ENTPD5: variants seen among roughly 807,000 people sequenced by gnomAD.
ENTPD5 encodes the protein ectonucleoside triphosphate diphosphohydrolase 5 (inactive).
A neutral mutation model predicts 60.2 loss-of-function variants in ENTPD5; 49 were observed. The ratio of observed to expected loss-of-function variants is 0.81; its 90% CI spans 0.65 to 1.03. The LOEUF (loss-of-function observed/expected upper bound fraction) is 1.03, where lower values mean the gene tolerates loss of function less well. Ranked by LOEUF, ENTPD5 falls within the 50% of genes least tolerant of loss-of-function variation. The pLI is 0.00. For synonymous variants in ENTPD5, 187 were observed against 185.4 expected, an observed-to-expected ratio of 1.01 and a Z score of -0.07; for missense variants, 480 against 507.6, an observed-to-expected ratio of 0.95 and a Z score of 0.52.
chr14:73,983,623 C>CA (rs368194848), intron 5 of ENTPD5, among the ~76,000 whole-genome samples: 40,278 of 103,868 alleles, frequency 0.39, 7,625 homozygotes, highest in East Asian at 0.69. Flanking sequence ...CACTCCATCT[C>CA]AAAAAAAAAA....
At chr14:73,999,371 C>T (rs886358513) in intron 3 of ENTPD5, among the ~76,000 whole-genome samples, 1 of 151,928 alleles carries the variant, frequency 6.6e-6, no homozygotes, top group African/African-American at 2.4e-5. Context: ...GCCTGTAATC[C>T]CAACTACTCA....
chr14:74,001,951 G>T (rs1421328838), intron 3 of ENTPD5, among the ~76,000 whole-genome samples: 1 of 151,942 alleles, frequency 6.6e-6, no homozygotes, highest in Non-Finnish European at 1.5e-5. Flanking sequence ...AGAAGAAGAG[G>T]GTTAGCATTT....
At position 73,976,387 on chromosome 14, in the gene ENTPD5, C is replaced by G; in HGVS notation, c.579G>C (p.Glu193Asp). The change falls in exon 9 of 16, where the codon GAG becomes GAC. Residue 193 changes from glutamate to aspartate, a missense_variant. Glu to Asp is a conservative substitution (Grantham distance 45). Coordinates refer to ENST00000334696, the MANE Select transcript of ENTPD5 (RefSeq NM_001249.5). ...LTGQLHGHRQ[E>D]TVGTLDLGGA... is the part of the protein sequence containing the mutation. Reference sequence around the variant, plus strand: ...CCCCTAGGTCCAAGGTCCCCACAGTCTCCTGTCTGTGGCCATGCAGCTGAC... The same window carrying G: ...CCCCTAGGTCCAAGGTCCCCACAGTGTCCTGTCTGTGGCCATGCAGCTGAC... 1 of 1,614,196 alleles carries G rather than the reference C, an allele frequency of 6.2e-7. No homozygotes were observed. Among genetic ancestry groups the G allele is most frequent in the Non-Finnish European group, 8.5e-7 (1 of 1,180,016 alleles).
intron 15 of ENTPD5, among the ~76,000 whole-genome samples, chr14:73,969,493 G>A (rs2057126212): frequency 6.6e-6 from 1 of 152,078 alleles, no homozygotes; most frequent in South Asian, 2.1e-4. Flanking sequence ...GGAGTTCTCA[G>A]GAGTTCGAGA....
In ENTPD5 at chr14:73,988,097, G is replaced by A. The variant is rs1826862820; in HGVS notation, c.6C>T (p.Ala2=). ...TGAAAAAGACTGTGCCCCAAGAAGT[G>A]GCCATTCTTTTCCCAAGATGTGGCT... M[A]TSWGTVFFML... Residue 2 remains alanine, a synonymous_variant, in exon 4 of 16, where the codon GCC becomes GCT. Coordinates refer to ENST00000334696, the MANE Select transcript of ENTPD5 (RefSeq NM_001249.5). The A allele has an allele frequency of 1.9e-6, 3 of 1,609,224 alleles. No homozygotes were observed. The highest frequency in any genetic ancestry group is 2.5e-6 in the Non-Finnish European group (3 of 1,178,140).
chr14:74,017,855 G>A (rs547255332), intron 1 of ENTPD5, among the ~76,000 whole-genome samples: 69 of 150,188 alleles, frequency 4.6e-4, no homozygotes, highest in African/African-American at 1.6e-3. Flanking sequence ...TTGCACTCCA[G>A]CCTAGGCAAC....
chr14:74,012,581 G>A (rs1212655694), intron 2 of ENTPD5, among the ~76,000 whole-genome samples: 1 of 152,130 alleles, frequency 6.6e-6, no homozygotes, highest in Non-Finnish European at 1.5e-5. Context: ...AACACCTACA[G>A]GCACCAGGCA....
At chr14:73,986,065 C>T (rs2057890567) in intron 5 of ENTPD5, among the ~76,000 whole-genome samples, 1 of 141,132 alleles carries the variant, frequency 7.1e-6, no homozygotes, top group African/African-American at 2.6e-5. Flanking sequence ...GAGTGATACT[C>T]CGTCAAAAAA....
intron 3 of ENTPD5, among the ~76,000 whole-genome samples, chr14:73,990,314 G>A (rs1018831459): frequency 9.2e-5 from 14 of 151,764 alleles, no homozygotes; most frequent in East Asian, 1.9e-4. Context: ...ATAAATATCC[G>A]TTTCTCCCTC....
rs368032025 is a variant in ENTPD5 at position 73,979,903 on chromosome 14, T to C, written c.442-2529A>G. 3.3e-5 allele frequency among the ~76,000 whole-genome samples: 5 copies of C among 151,798 alleles called. No homozygotes were observed. In the East Asian group the frequency reaches 7.7e-4, roughly 24 times the overall value. On this transcript the variant is annotated intron_variant, in intron 6 of 15. Coordinates refer to ENST00000334696, the MANE Select transcript of ENTPD5 (RefSeq NM_001249.5). ...CTCTGTACTGACAGTCAAAGGAAAA[T>C]GGATTTAGGGCCTGTAATACAGAGT...
rs535836349 is a variant in ENTPD5, at chr14:73,963,801, C to G, written c.*3127G>C. On this transcript the variant is annotated 3_prime_UTR_variant, in exon 16 of 16. Transcript: ENST00000334696. The stretch of plus-strand genomic sequence containing the variant: ...TTTTTAGGTTGTAGGTTTGCTTACT[C>G]TAAAGAACATCTTGCCCAGAAGTCT... 1 of 152,256 alleles carries G rather than the reference C, an allele frequency of 6.6e-6. No homozygotes were observed. Among genetic ancestry groups the G allele is most frequent in the African/African-American group, 2.4e-5 (1 of 41,548 alleles). 9.4% of individuals were successfully genotyped at this position (152,256 alleles called of 1,614,324 possible).
At chr14:73,977,126 T>C (rs1454292658) in intron 7 of ENTPD5, 67 bp from the exon 8 acceptor site, 1 of 839,030 alleles carries the variant, frequency 1.2e-6, no homozygotes, top group Non-Finnish European at 1.7e-6. Context: ...CCCAACCTTG[T>C]TTTTTTTTTT....
downstream of ENTPD5, chr14:73,959,599 C>T (rs757781463): frequency 8.8e-6 from 14 of 1,598,840 alleles, no homozygotes; most frequent in South Asian, 8.9e-5. Context: ...TTTTTTGAAA[C>T]GGATCCTTGC....
rs1256204942 is a variant in ENTPD5 at position 74,003,461 on chromosome 14, GA to G, written c.-71+7629del. On this transcript the variant is annotated intron_variant, in intron 3 of 15. Transcript: ENST00000334696. ...AGCACAAAAGAAGAAAGATGAGGCA[GA>G]GGTCCAAGTAAACCGCTAGCTTGTT... The G allele has an allele frequency of 4.9e-6, 7 of 1,423,332 alleles. No homozygotes were observed. The African/African-American group carries it at 9.9e-5, about 20-fold the overall frequency. The allele number at this position is 1,423,332 out of a possible 1,614,324, so 88.2% of individuals were successfully genotyped here.
intron 3 of ENTPD5, among the ~76,000 whole-genome samples, chr14:73,993,367 GGTCTT>G (rs1279895225): frequency 6.6e-6 from 1 of 152,086 alleles, no homozygotes; most frequent in Non-Finnish European, 1.5e-5. Context: ...AACTAGATTT[GGTCTT>G]AGGTACTACC....
downstream of ENTPD5, chr14:73,955,717 C>T: frequency 6.3e-6 from 10 of 1,584,572 alleles, no homozygotes; most frequent in Non-Finnish European, 8.7e-6. Context: ...TGATTTTCTG[C>T]TCTGTCACTT....
intron 3 of ENTPD5, among the ~76,000 whole-genome samples, chr14:74,004,359 G>A (rs2058605833): frequency 6.6e-6 from 1 of 151,998 alleles, no homozygotes; most frequent in African/African-American, 2.4e-5. Flanking sequence ...GTAGAGACGG[G>A]GTTTCGCCAT....
At chr14:73,968,843 G>A (rs553348824) in intron 15 of ENTPD5, among the ~76,000 whole-genome samples, 2 of 152,316 alleles carry the variant, frequency 1.3e-5, no homozygotes, top group African/African-American at 4.8e-5. Flanking sequence ...TAGACACTGT[G>A]CCCAAAACTG....
intron 3 of ENTPD5, among the ~76,000 whole-genome samples, chr14:74,005,326 G>A (rs1022244415): frequency 1.4e-5 from 2 of 147,680 alleles, no homozygotes; most frequent in Non-Finnish European, 3.0e-5. Context: ...AGGCGTGGTG[G>A]CTCATGCCTG....
Sources: allele counts gnomAD v4.1 joint callset (sites outside exome capture counted in the v4.1 genomes callset), GRCh38; gene constraint gnomAD v4.1.1; transcripts MANE v1.5; gene names NCBI Gene and HGNC (gene_info 2026-07-23, HGNC 2026-07-21).